PDLIM1: variants seen among roughly 807,000 people sequenced by gnomAD.
PDLIM1 encodes the protein PDZ and LIM domain protein 1.
PDLIM1 carries 25 observed loss-of-function variants against 35.2 expected under a neutral mutation model. The observed-to-expected ratio is 0.71, with a 90% CI of 0.52 to 0.99. The LOEUF (loss-of-function observed/expected upper bound fraction) is 0.99, where lower values mean the gene tolerates loss of function less well. Ranked by LOEUF, PDLIM1 falls within the 50% of genes least tolerant of loss-of-function variation. The pLI, the probability that PDLIM1 is intolerant of heterozygous loss-of-function variation, is 0.00. For missense variants in PDLIM1, 363 were observed against 415.3 expected (o/e 0.87, Z 1.09); for synonymous variants, 152 against 154.0 (o/e 0.99, Z 0.10).
chr10:95,264,267 C>T (rs867236643), intron 3 of PDLIM1, among the ~76,000 whole-genome samples: 2 of 152,112 alleles, frequency 1.3e-5, no homozygotes, highest in Non-Finnish European at 1.5e-5. Context: ...GGCACCTGTG[C>T]GAGTTCACAC....
intron 3 of PDLIM1, among the ~76,000 whole-genome samples, chr10:95,266,456 G>A (rs1031329864): frequency 1.3e-5 from 2 of 152,176 alleles, no homozygotes; most frequent in Non-Finnish European, 2.9e-5. Context: ...AGAGGATGCA[G>A]AGCCCCAAGG....
chr10:95,284,335 A>G (rs1284621537), intron 1 of PDLIM1, among the ~76,000 whole-genome samples: 1 of 152,054 alleles, frequency 6.6e-6, no homozygotes, highest in Admixed American at 6.6e-5. Flanking sequence ...TGCTGCATCA[A>G]CCATATTTAA....
intron 5 of PDLIM1, among the ~76,000 whole-genome samples, chr10:95,243,758 G>T (rs11596737): frequency 4.6e-5 from 7 of 151,822 alleles, no homozygotes; most frequent in African/African-American, 1.7e-4. Context: ...CACAAACAAC[G>T]GAATAATACT....
chr10:95,257,945 T>C (rs906657739), intron 4 of PDLIM1, among the ~76,000 whole-genome samples: 1 of 152,172 alleles, frequency 6.6e-6, no homozygotes, highest in African/African-American at 2.4e-5. Flanking sequence ...CAGATAAAGA[T>C]ATAGCCAAGA....
intron 5 of PDLIM1, among the ~76,000 whole-genome samples, chr10:95,244,829 A>G (rs370317917): frequency 1.6e-4 from 25 of 152,194 alleles, no homozygotes; most frequent in African/African-American, 6.0e-4. Context: ...CAACCTGAGA[A>G]GCGGAGGTAG....
At chr10:95,282,768 C>A (rs2133442003) in intron 1 of PDLIM1, among the ~76,000 whole-genome samples, 1 of 152,244 alleles carries the variant, frequency 6.6e-6, no homozygotes, top group East Asian at 1.9e-4. Flanking sequence ...CATGGTGAAA[C>A]CCCATCTCTA....
At chr10:95,274,942 C>T (rs532047589) in intron 1 of PDLIM1, among the ~76,000 whole-genome samples, 41 of 152,204 alleles carry the variant, frequency 2.7e-4, no homozygotes, top group Non-Finnish European at 4.1e-4. Flanking sequence ...GAAAAACTAA[C>T]GAAAGACCAC....
intron 6 of PDLIM1, 94 bp from the exon 7 acceptor site, chr10:95,238,205 T>G (rs2035143807): frequency 1.8e-6 from 2 of 1,132,674 alleles, no homozygotes; most frequent in African/African-American, 3.1e-5. Flanking sequence ...AGCAGGGGCC[T>G]GGGGCTTCTC....
intron 1 of PDLIM1, among the ~76,000 whole-genome samples, chr10:95,276,296 A>G (rs1363632641): frequency 6.6e-6 from 1 of 151,998 alleles, no homozygotes; most frequent in Non-Finnish European, 1.5e-5. Flanking sequence ...CTCAACTGTC[A>G]AAGCCAAAAA....
chr10:95,282,036 G>C (rs897090079), intron 1 of PDLIM1, among the ~76,000 whole-genome samples: 3 of 152,218 alleles, frequency 2.0e-5, no homozygotes, highest in African/African-American at 7.2e-5. Flanking sequence ...AGACAAGCCT[G>C]CAAGTAAGTG....
rs920078675 is a variant in PDLIM1, at chr10:95,259,500, C to A, written c.533+4364G>T. Among the ~76,000 whole-genome samples the A allele has an allele frequency of 1.2e-4, 18 of 152,212 alleles. No homozygotes were observed. In the East Asian group the frequency reaches 2.9e-3, roughly 24 times the overall value. On this transcript the variant is annotated intron_variant, in intron 4 of 6. Coordinates refer to ENST00000329399, the MANE Select transcript of PDLIM1 (RefSeq NM_020992.4). ...TATGTAATCATTTTCAGAAGGGAAGCCTGGCCTGTGTGCTTCCTAAGTTTT... is the reference window on the plus strand; with the variant it reads ...TATGTAATCATTTTCAGAAGGGAAGACTGGCCTGTGTGCTTCCTAAGTTTT...
intron 5 of PDLIM1, among the ~76,000 whole-genome samples, chr10:95,245,368 G>A (rs2035210714): frequency 6.6e-6 from 1 of 152,182 alleles, no homozygotes; most frequent in Admixed American, 6.5e-5. Context: ...GTAACCTTGG[G>A]AATAGAAGCC....
rs930263048 is a variant in PDLIM1 at position 95,267,560 on chromosome 10, A to T, written c.333+1218T>A. ...ATCAGTTTTGAAATGATGCAAAATG[A>T]TCCTTAAAATGACTCTTGGGATTTT... On this transcript the variant is annotated intron_variant, in intron 3 of 6. Coordinates refer to ENST00000329399, the MANE Select transcript of PDLIM1 (RefSeq NM_020992.4). Among the ~76,000 whole-genome samples, 10 of 152,158 alleles carry T rather than the reference A, an allele frequency of 6.6e-5. 1 individual carries two copies. The highest frequency in any genetic ancestry group is 1.7e-4 in the African/African-American group (7 of 41,440).
intron 5 of PDLIM1, among the ~76,000 whole-genome samples, chr10:95,246,072 G>T (rs1475959873): frequency 6.6e-6 from 1 of 152,178 alleles, no homozygotes; most frequent in Non-Finnish European, 1.5e-5. Context: ...CCATGAGAGA[G>T]ATAGAGGGCA....
chr10:95,254,569 TAAC>T (rs2035294339), intron 4 of PDLIM1, among the ~76,000 whole-genome samples: 1 of 152,160 alleles, frequency 6.6e-6, no homozygotes, highest in Non-Finnish European at 1.5e-5. Flanking sequence ...ACCCCTCTCT[TAAC>T]AACTGATAGA....
At chr10:95,278,842 A>T (rs1385648955) in intron 1 of PDLIM1, among the ~76,000 whole-genome samples, 1 of 152,192 alleles carries the variant, frequency 6.6e-6, no homozygotes, top group Non-Finnish European at 1.5e-5. Flanking sequence ...TCAAAGAAGC[A>T]AACCCATTCA....
chr10:95,281,490 G>A (rs2035560922), intron 1 of PDLIM1, among the ~76,000 whole-genome samples: 1 of 152,124 alleles, frequency 6.6e-6, no homozygotes, highest in Non-Finnish European at 1.5e-5. Context: ...GCTTAAACTG[G>A]GAGGAAGTGG....
chr10:95,237,808 A>T lies in PDLIM1; in HGVS notation c.*117T>A. The T allele has an allele frequency of 1.2e-6, 1 of 804,150 alleles. No homozygotes were observed. The highest frequency in any genetic ancestry group is 2.0e-6 in the Non-Finnish European group (1 of 507,658). The allele number at this position is 804,150 out of a possible 1,614,324, so 49.8% of individuals were successfully genotyped here. On this transcript the variant is annotated 3_prime_UTR_variant, in exon 7 of 7. Coordinates refer to ENST00000329399, the MANE Select transcript of PDLIM1 (RefSeq NM_020992.4). ...AGGCAGGGAGGGGACTCAATGTTTT[A>T]CAAGCAGAGGGAAAACCAAAGTAAG...
Position 95,284,686 on chromosome 10 carries a change from T to C in PDLIM1, c.96+6134A>G, listed in dbSNP as rs182926582. On this transcript the variant is annotated intron_variant, in intron 1 of 6. Coordinates refer to ENST00000329399, the MANE Select transcript of PDLIM1 (RefSeq NM_020992.4). ...GCATTTTCAATATCTTTATCTAAAC[T>C]AGGTCCTATCTATGTTCTTATTGTC... Among the ~76,000 whole-genome samples, 192 of 152,328 alleles carry C rather than the reference T, an allele frequency of 1.3e-3. 1 individual carries two copies. Among genetic ancestry groups the C allele is most frequent in the Non-Finnish European group, 2.4e-3 (163 of 68,030 alleles).
Sources: gnomAD v4.1 joint callset for allele counts (sites outside exome capture counted in the v4.1 genomes callset) on GRCh38, gnomAD v4.1.1 for gene constraint, MANE v1.5 for transcripts, NCBI Gene and HGNC (gene_info 2026-07-23, HGNC 2026-07-21) for gene names.